The following SCD5 variants were observed in gnomAD, a reference collection of about 807,000 sequenced individuals.
The protein encoded by SCD5 is stearoyl-CoA desaturase 5.
In SCD5, 20 loss-of-function variants were observed where a neutral mutation model predicts 30.4. That is an observed-to-expected ratio of 0.66 (90% CI 0.46 to 0.96). SCD5 has a LOEUF of 0.96. Ranked by LOEUF, SCD5 falls within the 40% of genes least tolerant of loss-of-function variation. The pLI, the probability that SCD5 is intolerant of heterozygous loss-of-function variation, is 0.00. For synonymous variants in SCD5, 173 were observed against 176.4 expected, an observed-to-expected ratio of 0.98 and a Z score of 0.16; for missense variants, 381 against 443.3, an observed-to-expected ratio of 0.86 and a Z score of 1.26.
At chr4:82,732,282 G>A (rs950080133) in intron 1 of SCD5, among the ~76,000 whole-genome samples, 3 of 152,072 alleles carry the variant, frequency 2.0e-5, no homozygotes, top group African/African-American at 7.2e-5. Flanking sequence ...TTTAGACAGG[G>A]TTTCACCAAG....
rs573357934 is a variant in SCD5, at chr4:82,685,920, AG to A, written c.364-5009del. ...GATTTTTCACTTGTAGCACACCTCC[AG>A]GGGCTTGCCGCATTTCAAGTGCTCA... is the stretch of plus-strand genomic sequence containing the variant. On this transcript the variant is annotated intron_variant, in intron 2 of 4. Transcript: ENST00000319540. 3.6e-3 allele frequency among the ~76,000 whole-genome samples: 552 copies of A among 152,116 alleles called. 1 individual carries two copies. Among genetic ancestry groups the A allele is most frequent in the Non-Finnish European group, 6.5e-3 (443 of 67,994 alleles).
chr4:82,751,052 G>T (rs1217016474), intron 1 of SCD5, among the ~76,000 whole-genome samples: 2 of 152,146 alleles, frequency 1.3e-5, no homozygotes, highest in African/African-American at 4.8e-5. Flanking sequence ...AACAAGGTCT[G>T]TTTTTGTTTT....
intron 1 of SCD5, among the ~76,000 whole-genome samples, chr4:82,727,317 G>C (rs946408621): frequency 2.6e-5 from 4 of 152,222 alleles, no homozygotes; most frequent in African/African-American, 9.6e-5. Context: ...ACTATACTAA[G>C]AGTATGTATG....
rs374230715 is a variant in SCD5 at position 82,740,947 on chromosome 4, T to C, written c.233-35534A>G. Among the ~76,000 whole-genome samples the C allele has an allele frequency of 9.8e-5, 13 of 132,058 alleles. No homozygotes were observed. In the East Asian group the frequency reaches 2.7e-3, roughly 28 times the overall value. The allele number at this position is 132,058 out of a possible 152,430, so 86.6% of individuals were successfully genotyped here. On this transcript the variant is annotated intron_variant, in intron 1 of 4. Coordinates refer to ENST00000319540, the MANE Select transcript of SCD5 (RefSeq NM_001037582.3). ...TTTTCCCAATTCTTTTTTTTTTTTT[T>C]CTTTTGAGACAGGGTCTCGCTCTGT...
intron 1 of SCD5, among the ~76,000 whole-genome samples, chr4:82,736,017 G>A (rs960063158): frequency 2.0e-5 from 3 of 152,200 alleles, no homozygotes; most frequent in Non-Finnish European, 2.9e-5. Context: ...CACGCACAGT[G>A]GCTCAGGCCT....
At chr4:82,760,071 T>A (rs988104891) in intron 1 of SCD5, among the ~76,000 whole-genome samples, 1 of 152,120 alleles carries the variant, frequency 6.6e-6, no homozygotes, top group Non-Finnish European at 1.5e-5. Context: ...CATCTCCCTG[T>A]CTCTAGTGCC....
intron 1 of SCD5, among the ~76,000 whole-genome samples, chr4:82,730,895 T>C (rs975473921): frequency 1.3e-5 from 2 of 152,092 alleles, no homozygotes; most frequent in African/African-American, 4.8e-5. Flanking sequence ...TATTTTTTCG[T>C]CTTCTATAAA....
intron 1 of SCD5, among the ~76,000 whole-genome samples, chr4:82,708,443 T>C (rs1720012158): frequency 6.6e-6 from 1 of 152,138 alleles, no homozygotes. Flanking sequence ...TGTCATAACT[T>C]GGACCCTTGA....
intron 3 of SCD5, among the ~76,000 whole-genome samples, chr4:82,674,090 G>C (rs967606080): frequency 6.6e-6 from 1 of 152,082 alleles, no homozygotes; most frequent in Admixed American, 6.6e-5. Context: ...CTCTGGGTTT[G>C]ACAATTTATA....
At chr4:82,687,417 C>G (rs930010070) in intron 2 of SCD5, among the ~76,000 whole-genome samples, 2 of 152,130 alleles carry the variant, frequency 1.3e-5, no homozygotes, top group Non-Finnish European at 2.9e-5. Context: ...TTTTGTAATA[C>G]AGGAGAAACA....
chr4:82,748,332 G>A (rs1325749866), intron 1 of SCD5, among the ~76,000 whole-genome samples: 2 of 152,030 alleles, frequency 1.3e-5, no homozygotes. Context: ...CACAGGGCAC[G>A]GGGGAGAGGA....
chr4:82,668,840 A>G (rs895080190), intron 3 of SCD5, among the ~76,000 whole-genome samples: 7 of 152,206 alleles, frequency 4.6e-5, no homozygotes, highest in African/African-American at 1.7e-4. Context: ...TCTCTCCCCA[A>G]ATTCCAAACA....
Position 82,641,178 on chromosome 4 carries a change from T to C in SCD5, c.570-4355A>G, listed in dbSNP as rs975826897. 3.9e-5 allele frequency among the ~76,000 whole-genome samples: 5 copies of C among 129,418 alleles called. 1 individual carries two copies. In the East Asian group the frequency reaches 9.4e-4, roughly 24 times the overall value. The allele number at this position is 129,418 out of a possible 152,430, so 84.9% of individuals were successfully genotyped here. On this transcript the variant is annotated intron_variant, in intron 3 of 4. Transcript: ENST00000319540. ...CTGAGGCAGGAGAATTGCTTGAACA[T>C]GGGAGGCAGAGGTTGCAGTGAGCCA...
intron 1 of SCD5, among the ~76,000 whole-genome samples, chr4:82,726,836 C>T (rs1381306491): frequency 6.6e-6 from 1 of 152,096 alleles, no homozygotes; most frequent in Admixed American, 6.6e-5. Flanking sequence ...CATACACAGC[C>T]CTCTTCGTCC....
chr4:82,740,189 G>A (rs1213711352), intron 1 of SCD5, among the ~76,000 whole-genome samples: 1 of 152,190 alleles, frequency 6.6e-6, no homozygotes, highest in Non-Finnish European at 1.5e-5. Context: ...TGAATGTAGC[G>A]CCCAAAGTAG....
chr4:82,725,878 A>ATT (rs1720459113), intron 1 of SCD5, among the ~76,000 whole-genome samples: 3 of 151,914 alleles, frequency 2.0e-5, no homozygotes, highest in African/African-American at 7.3e-5. Flanking sequence ...AAAAAAAAAG[A>ATT]AAAAAGAAAA....
intron 1 of SCD5, among the ~76,000 whole-genome samples, chr4:82,768,184 TACC>T (rs1339697785): frequency 6.6e-6 from 1 of 152,136 alleles, no homozygotes; most frequent in Non-Finnish European, 1.5e-5. Flanking sequence ...ATAAAATAAA[TACC>T]ACAATTATCA....
At chr4:82,767,549 T>C (rs552288601) in intron 1 of SCD5, among the ~76,000 whole-genome samples, 2 of 152,202 alleles carry the variant, frequency 1.3e-5, no homozygotes, top group Non-Finnish European at 2.9e-5. Context: ...ATCTTTCACA[T>C]ATTTTGTCTA....
At chr4:82,648,105 G>A (rs1463528110) in intron 3 of SCD5, among the ~76,000 whole-genome samples, 2 of 152,228 alleles carry the variant, frequency 1.3e-5, no homozygotes, top group African/African-American at 4.8e-5. Flanking sequence ...ACAGGACAGT[G>A]TGTTACTGCA....
Sources: gnomAD v4.1 joint callset for allele counts (sites outside exome capture counted in the v4.1 genomes callset) on GRCh38, gnomAD v4.1.1 for gene constraint, MANE v1.5 for transcripts, NCBI Gene and HGNC (gene_info 2026-07-23, HGNC 2026-07-21) for gene names.